Variants in TMEFF2 observed in about 807,000 individuals in gnomAD.
TMEFF2 encodes tomoregulin-2.
A neutral mutation model predicts 53.8 loss-of-function variants in TMEFF2; 28 were observed. The ratio of observed to expected loss-of-function variants is 0.52; its 90% CI spans 0.39 to 0.71. The LOEUF is 0.71. Among genes scored for constraint, TMEFF2 ranks in the 30% least tolerant of loss-of-function variants. TMEFF2 has a pLI of 0.00. For synonymous variants in TMEFF2, 162 were observed against 166.3 expected, an observed-to-expected ratio of 0.97 and a Z score of 0.20; for missense variants, 353 against 455.2, an observed-to-expected ratio of 0.78 and a Z score of 2.04.
chr2:192,082,277 G>A (rs1688571979), intron 4 of TMEFF2, among the ~76,000 whole-genome samples: 1 of 151,988 alleles, frequency 6.6e-6, no homozygotes, highest in East Asian at 1.9e-4. Context: ...CCTTACCCGT[G>A]GCACACACTT....
At position 192,057,781 on chromosome 2, in the gene TMEFF2, G is replaced by T. The variant is rs1235944960; in HGVS notation, c.440-6C>A. On this transcript the variant is annotated splice_polypyrimidine_tract_variant and splice_region_variant and intron_variant, in intron 4 of 9. Coordinates refer to ENST00000272771, the MANE Select transcript of TMEFF2 (RefSeq NM_016192.4). ...TTCTCCAGAGCCTTCATGGACTGTAGGACAGAAAAACAGTAAAAGGAATTC... is the reference window on the plus strand; with the variant it reads ...TTCTCCAGAGCCTTCATGGACTGTATGACAGAAAAACAGTAAAAGGAATTC... The T allele has an allele frequency of 1.9e-6, 3 of 1,609,678 alleles. No homozygotes were observed. The highest frequency in any genetic ancestry group is 2.6e-6 in the Non-Finnish European group (3 of 1,176,170).
chr2:192,114,778 A>G (rs560647036), intron 4 of TMEFF2, among the ~76,000 whole-genome samples: 1 of 152,134 alleles, frequency 6.6e-6, no homozygotes, highest in East Asian at 1.9e-4. Flanking sequence ...AAGAAATTAT[A>G]GAAGACACAA....
chr2:192,072,027 T>C (rs1434983693), intron 4 of TMEFF2, among the ~76,000 whole-genome samples: 2 of 151,884 alleles, frequency 1.3e-5, no homozygotes, highest in African/African-American at 4.8e-5. Flanking sequence ...TGGGTAGTAA[T>C]GCTGGATTGC....
chr2:192,120,508 T>C (rs918632520), intron 4 of TMEFF2, among the ~76,000 whole-genome samples: 2 of 152,206 alleles, frequency 1.3e-5, no homozygotes, highest in Non-Finnish European at 2.9e-5. Context: ...ATACTGGCCC[T>C]GTGAGGCATA....
chr2:191,969,930 A>G (rs1692586442), intron 7 of TMEFF2, among the ~76,000 whole-genome samples: 1 of 152,218 alleles, frequency 6.6e-6, no homozygotes, highest in Admixed American at 6.5e-5. Flanking sequence ...CTCTAAGAAA[A>G]TCACAGAATT....
chr2:191,968,464 T>C (rs779532568), intron 7 of TMEFF2, among the ~76,000 whole-genome samples: 3 of 152,166 alleles, frequency 2.0e-5, no homozygotes, highest in Non-Finnish European at 4.4e-5. Flanking sequence ...GAAATATCTC[T>C]TTGGTTTCAT....
At chr2:192,037,347 A>AGGAAGGAAGGAAGGAAGGAAG (rs1687342987) in intron 5 of TMEFF2, among the ~76,000 whole-genome samples, 1 of 150,686 alleles carries the variant, frequency 6.6e-6, no homozygotes, top group African/African-American at 2.4e-5. Flanking sequence ...AACAGAAAAC[A>AGGAAGGAAGGAAGGAAGGAAG]GAAAAAAAAA....
chr2:191,982,338 A>G (rs1011634915), intron 7 of TMEFF2, among the ~76,000 whole-genome samples: 12 of 152,130 alleles, frequency 7.9e-5, no homozygotes, highest in Admixed American at 7.9e-4. Flanking sequence ...GGTCAAATGT[A>G]ATACCTAATA....
At chr2:192,057,448 T>C (rs1050495377) in intron 5 of TMEFF2, among the ~76,000 whole-genome samples, 2 of 152,156 alleles carry the variant, frequency 1.3e-5, no homozygotes, top group Non-Finnish European at 1.5e-5. Context: ...TTGGGGGGCT[T>C]CAATGATATT....
At chr2:192,112,637 AC>A (rs1253288869) in intron 4 of TMEFF2, among the ~76,000 whole-genome samples, 2 of 152,082 alleles carry the variant, frequency 1.3e-5, no homozygotes, top group East Asian at 3.9e-4. Context: ...TGGTTTTGAA[AC>A]GTGAGAACAT....
intron 5 of TMEFF2, among the ~76,000 whole-genome samples, chr2:192,045,511 G>A (rs560112893): frequency 3.3e-5 from 5 of 152,204 alleles, no homozygotes; most frequent in Non-Finnish European, 7.3e-5. Context: ...GAGGAAGACT[G>A]TAATAATAAA....
chr2:192,177,155 C>A (rs890197490), intron 4 of TMEFF2: 1 of 151,198 alleles, frequency 6.6e-6, no homozygotes, highest in East Asian at 1.9e-4. Flanking sequence ...CAAACAATCA[C>A]AAGTTATTCA....
In TMEFF2 at chr2:191,950,069, A is replaced by AAAACT. The variant is rs755986001; in HGVS notation, c.*237_*241dup. On this transcript the variant is annotated 3_prime_UTR_variant, in exon 10 of 10. Transcript: ENST00000272771. Reference sequence around the variant, plus strand: ...TATATAACAAATACATGGGAAAGAAAAAACTATATTGTGTGATATAAATAG... The same window carrying AAAACT: ...TATATAACAAATACATGGGAAAGAAAAAACTAAACTATATTGTGTGATATAAATAG... The AAAACT allele has an allele frequency of 5.7e-6, 7 of 1,222,904 alleles. No individual in the cohort carries two copies. The East Asian group carries it at 2.3e-4, about 40-fold the overall frequency. 75.8% of individuals were successfully genotyped at this position (1,222,904 alleles called of 1,614,324 possible). A position where few individuals can be genotyped will look rare whatever the true frequency, so the allele number is the denominator to read the frequency against.
chr2:192,149,984 C>T (rs1574416298), intron 4 of TMEFF2, among the ~76,000 whole-genome samples: 2 of 151,924 alleles, frequency 1.3e-5, no homozygotes, highest in Non-Finnish European at 1.5e-5. Flanking sequence ...GCCCATTATA[C>T]AGCAATTCTT....
At chr2:192,181,310 C>CA (rs148396081) in intron 3 of TMEFF2, among the ~76,000 whole-genome samples, 1,579 of 151,872 alleles carry the variant, frequency 0.01, 10 homozygotes, top group Non-Finnish European at 0.016. Context: ...GGCTAAATAA[C>CA]AGACTGTGGT....
intron 4 of TMEFF2, among the ~76,000 whole-genome samples, chr2:192,128,923 A>G (rs1689743693): frequency 6.6e-6 from 1 of 152,164 alleles, no homozygotes; most frequent in African/African-American, 2.4e-5. Context: ...AAAACTCTCC[A>G]GTGTGTGGCA....
intron 4 of TMEFF2, among the ~76,000 whole-genome samples, chr2:192,099,437 A>G (rs1688984236): frequency 6.6e-6 from 1 of 152,126 alleles, no homozygotes; most frequent in African/African-American, 2.4e-5. Flanking sequence ...TTACTTTTTT[A>G]TTCAAGCCAG....
chr2:192,081,150 A>G (rs1441737110), intron 4 of TMEFF2, among the ~76,000 whole-genome samples: 1 of 152,240 alleles, frequency 6.6e-6, no homozygotes, highest in African/African-American at 2.4e-5. Flanking sequence ...CTGAAAAAGC[A>G]AAGTGATACG....
intron 4 of TMEFF2, among the ~76,000 whole-genome samples, chr2:192,127,032 CTTAT>C (rs1408487494): frequency 2.6e-5 from 4 of 152,124 alleles, no homozygotes; most frequent in African/African-American, 4.8e-5. Context: ...GTAAAGCACT[CTTAT>C]TTAGACAGCT....
Sources: gnomAD v4.1 joint callset for allele counts (sites outside exome capture counted in the v4.1 genomes callset) on GRCh38, gnomAD v4.1.1 for gene constraint, MANE v1.5 for transcripts, NCBI Gene and HGNC (gene_info 2026-07-23, HGNC 2026-07-21) for gene names.